KIRREL3: variants seen among roughly 807,000 people sequenced by gnomAD.
The protein encoded by KIRREL3 is kin of IRRE-like protein 3.
In KIRREL3, 36 loss-of-function variants were observed where a neutral mutation model predicts 89.7. The observed-to-expected ratio is 0.40, with a 90% CI of 0.31 to 0.53. KIRREL3 has a LOEUF of 0.53. KIRREL3 is among the 20% of genes least tolerant of loss of function. KIRREL3 has a pLI of 0.49. For missense variants in KIRREL3, 864 were observed against 1,056.6 expected (o/e 0.82, Z 2.53); for synonymous variants, 445 against 441.4 (o/e 1.01, Z -0.10).
chr11:126,609,193 G>C lies in KIRREL3; in HGVS notation c.56-46281C>G, dbSNP rs1282425536. Among the ~76,000 whole-genome samples, 1 of 152,126 alleles carries C rather than the reference G, an allele frequency of 6.6e-6. No homozygotes were observed. The highest frequency in any genetic ancestry group is 1.5e-5 in the Non-Finnish European group (1 of 68,024). Reference sequence around the variant, plus strand: ...CGCTCTGAGACCGGACCTCAGGAAAGGGGTGCGGGGAAGGTTGGGTTCAGA... The same window carrying C: ...CGCTCTGAGACCGGACCTCAGGAAACGGGTGCGGGGAAGGTTGGGTTCAGA... On this transcript the variant is annotated intron_variant, in intron 1 of 16. Transcript: ENST00000525144. This position sits in a 1 kb window ranked among gnomAD's most constrained non-coding sequence, Gnocchi z 5.0.
At position 126,833,531 on chromosome 11, in the gene KIRREL3, G is replaced by T. The variant is rs144169689; in HGVS notation, c.55+166924C>A. 4.8e-3 allele frequency among the ~76,000 whole-genome samples: 735 copies of T among 152,324 alleles called. 3 individuals are homozygous for T. Among genetic ancestry groups the T allele is most frequent in the Non-Finnish European group, 7.3e-3 (494 of 68,026 alleles). ...AACTGGCACCCTTTGAATATCAGCA[G>T]CCCTCCCTTTGGAGAGCCAGGGAAT... On this transcript the variant is annotated intron_variant, in intron 1 of 16. Transcript: ENST00000525144.
rs1348054072 is a variant in KIRREL3, at chr11:126,562,906, C to T, written c.62G>A (p.Gly21Asp). 3.1e-6 allele frequency: 5 copies of T among 1,613,210 alleles called. No homozygotes were observed. Among genetic ancestry groups the T allele is most frequent in the African/African-American group, 1.3e-5 (1 of 74,906 alleles). The change falls in exon 2 of 17, where the codon GGC becomes GAC. Residue 21 changes from glycine (G) to aspartate (D), a missense_variant. By Grantham distance (94) the Gly-to-Asp change is moderately conservative (BLOSUM62 -1). Transcript: ENST00000525144. The surrounding 1 kb of genome is among the most constrained non-coding windows in gnomAD (Gnocchi z 4.7). Reference protein sequence around the residue: ...VCFFLFSQELGLQKRGCCLVL... With the variant: ...VCFFLFSQELDLQKRGCCLVL... ...CAGACAGCATCCTCTCTTCTGGAGG[C>T]CCAGCTCTGGAAGAGAAGCATAGGT...
intron 1 of KIRREL3, among the ~76,000 whole-genome samples, chr11:126,831,409 CTCTGTCTCTCTCTATCTCTCTCTCTT>C: frequency 8.4e-6 from 1 of 118,552 alleles, no homozygotes; most frequent in Admixed American, 9.5e-5. Context: ...AAGTCAGTCT[CTCTGTCTCTCTCTATCTCTCTCTCTT>C]TCTCTCTCTC....
intron 10 of KIRREL3, among the ~76,000 whole-genome samples, chr11:126,444,158 C>T (rs1220150617): frequency 1.3e-5 from 2 of 152,232 alleles, no homozygotes; most frequent in East Asian, 1.9e-4. Context: ...CATCTACTAA[C>T]TCCCACCGTG....
At chr11:126,745,072 C>T (rs1004653356) in intron 1 of KIRREL3, among the ~76,000 whole-genome samples, 12 of 152,150 alleles carry the variant, frequency 7.9e-5, no homozygotes, top group Admixed American at 2.0e-4. Context: ...CCTCCTTCCA[C>T]GCCAGGTATC....
chr11:126,561,122 C>T lies in KIRREL3; in HGVS notation c.133+1713G>A, dbSNP rs1221656460. ...GTGGTACTTAGGGCAGCAAGGCTGG[C>T]TGGAGTGGAAGAAGAGGAGCTTCCT... On this transcript the variant is annotated intron_variant, in intron 2 of 16. Coordinates refer to ENST00000525144, the MANE Select transcript of KIRREL3 (RefSeq NM_032531.4). This position sits in a 1 kb window ranked among gnomAD's most constrained non-coding sequence, Gnocchi z 4.5. 6.6e-6 allele frequency among the ~76,000 whole-genome samples: 1 copy of T among 152,208 alleles called. No individual in the cohort carries two copies. The highest frequency in any genetic ancestry group is 1.5e-5 in the Non-Finnish European group (1 of 68,048).
At chr11:126,584,790 A>C (rs1304388199) in intron 1 of KIRREL3, among the ~76,000 whole-genome samples, 2 of 152,220 alleles carry the variant, frequency 1.3e-5, no homozygotes, top group African/African-American at 2.4e-5. Flanking sequence ...GGTCACTGTC[A>C]ACAGGCCACA....
In KIRREL3 at chr11:126,492,440, G is replaced by A. The variant is rs1205773786; in HGVS notation, c.434-18974C>T. 2.0e-5 allele frequency among the ~76,000 whole-genome samples: 3 copies of A among 152,114 alleles called. No individual in the cohort carries two copies. The highest frequency in any genetic ancestry group is 7.2e-5 in the African/African-American group (3 of 41,426). On this transcript the variant is annotated intron_variant, in intron 4 of 16. Transcript: ENST00000525144. The surrounding 1 kb of genome is among the most constrained non-coding windows in gnomAD (Gnocchi z 4.8). ...CAAGTACTTCCTCATTAGTTTTGCT[G>A]AAGTTACTTCCCTGCTCCCAGTTAG...
At chr11:126,445,183 A>G (rs1341097284) in intron 9 of KIRREL3, 78 bp from the exon 10 acceptor site, 9 of 1,558,628 alleles carry the variant, frequency 5.8e-6, no homozygotes, top group Non-Finnish European at 7.9e-6. Flanking sequence ...GGCAGCTGAG[A>G]GGCTGGCCTG....
rs1324422242 is a variant in KIRREL3, at chr11:126,769,178, C to G, written c.56-206266G>C. ...CCCATCTCTGCCAGTCACTGCTTTCCCTTCCTCCTACGCTTTCAACACATC... is the reference window on the plus strand; with the variant it reads ...CCCATCTCTGCCAGTCACTGCTTTCGCTTCCTCCTACGCTTTCAACACATC... On this transcript the variant is annotated intron_variant, in intron 1 of 16. Coordinates refer to ENST00000525144, the MANE Select transcript of KIRREL3 (RefSeq NM_032531.4). This position sits in a 1 kb window ranked among gnomAD's most constrained non-coding sequence, Gnocchi z 4.3. Among the ~76,000 whole-genome samples, 3 of 152,166 alleles carry G rather than the reference C, an allele frequency of 2.0e-5. No homozygotes were observed. Among genetic ancestry groups the G allele is most frequent in the Non-Finnish European group, 2.9e-5 (2 of 68,040 alleles).
intron 1 of KIRREL3, among the ~76,000 whole-genome samples, chr11:126,853,092 G>A (rs1272050103): frequency 1.3e-5 from 2 of 151,826 alleles, no homozygotes; most frequent in Non-Finnish European, 2.9e-5. Context: ...TTTTTAAAAT[G>A]GGAAAAATAC....
rs560860078 is a variant in KIRREL3, at chr11:126,550,930, C to T, written c.133+11905G>A. On this transcript the variant is annotated intron_variant, in intron 2 of 16. Coordinates refer to ENST00000525144, the MANE Select transcript of KIRREL3 (RefSeq NM_032531.4). This position sits in a 1 kb window ranked among gnomAD's most constrained non-coding sequence, Gnocchi z 4.9. ...GCTGGGGGCTCAGTCCCCAAGACTTCCCCCACACCCTGGCACCTGTCACAA... is the reference window on the plus strand; with the variant it reads ...GCTGGGGGCTCAGTCCCCAAGACTTTCCCCACACCCTGGCACCTGTCACAA... 1.5e-3 allele frequency among the ~76,000 whole-genome samples: 236 copies of T among 152,278 alleles called. 1 individual carries two copies. The highest frequency in any genetic ancestry group is 5.5e-3 in the African/African-American group (227 of 41,566).
chr11:126,544,826 C>T lies in KIRREL3; in HGVS notation c.133+18009G>A, dbSNP rs2134506523. On this transcript the variant is annotated intron_variant, in intron 2 of 16. Transcript: ENST00000525144. This position sits in a 1 kb window ranked among gnomAD's most constrained non-coding sequence, Gnocchi z 5.6. ...ATTCCTGGACACTTGGCCGACATTCCTGGCCTTAATCTGCTTGAGCAAAGT... is the reference window on the plus strand; with the variant it reads ...ATTCCTGGACACTTGGCCGACATTCTTGGCCTTAATCTGCTTGAGCAAAGT... 6.6e-6 allele frequency among the ~76,000 whole-genome samples: 1 copy of T among 152,276 alleles called. No homozygotes were observed. Among genetic ancestry groups the T allele is most frequent in the African/African-American group, 2.4e-5 (1 of 41,554 alleles).
intron 1 of KIRREL3, among the ~76,000 whole-genome samples, chr11:126,889,572 T>G (rs1385347526): frequency 6.6e-6 from 1 of 152,218 alleles, no homozygotes; most frequent in Non-Finnish European, 1.5e-5. Context: ...ACCACTCAAG[T>G]CTTGTTTCTC....
chr11:126,783,760 C>T lies in KIRREL3; in HGVS notation c.55+216695G>A, dbSNP rs551955124. Among the ~76,000 whole-genome samples, 5 of 152,334 alleles carry T rather than the reference C, an allele frequency of 3.3e-5. No homozygotes were observed. In the South Asian group the frequency reaches 8.3e-4, roughly 25 times the overall value. On this transcript the variant is annotated intron_variant, in intron 1 of 16. Transcript: ENST00000525144. This position sits in a 1 kb window ranked among gnomAD's most constrained non-coding sequence, Gnocchi z 4.3. ...CCCTCAAAGAAGTAGAGTATAGCTTCCCGCTCCTTAAGCGTGGGCTGCACA... is the reference window on the plus strand; with the variant it reads ...CCCTCAAAGAAGTAGAGTATAGCTTTCCGCTCCTTAAGCGTGGGCTGCACA...
chr11:126,489,177 C>A lies in KIRREL3; in HGVS notation c.434-15711G>T, dbSNP rs373241594. Among the ~76,000 whole-genome samples the A allele has an allele frequency of 2.1e-4, 32 of 152,162 alleles. No individual in the cohort carries two copies. Among genetic ancestry groups the A allele is most frequent in the Admixed American group, 2.1e-3 (32 of 15,278 alleles). On this transcript the variant is annotated intron_variant, in intron 4 of 16. Transcript: ENST00000525144. This position sits in a 1 kb window ranked among gnomAD's most constrained non-coding sequence, Gnocchi z 5.5. ...GCAGGACGGAAGCTGTAGATGGATG[C>A]GCTGCGTTTGCGGTGGAGAGCCGGC...
At chr11:126,810,637 C>A (rs1951351571) in intron 1 of KIRREL3, among the ~76,000 whole-genome samples, 1 of 152,124 alleles carries the variant, frequency 6.6e-6, no homozygotes, top group African/African-American at 2.4e-5. Context: ...ACCTGAGCAT[C>A]CCTAGCATTT....
intron 1 of KIRREL3, among the ~76,000 whole-genome samples, chr11:126,941,411 A>T (rs1273580457): frequency 1.3e-5 from 2 of 152,206 alleles, no homozygotes; most frequent in Non-Finnish European, 2.9e-5. Context: ...AAGCAATTAG[A>T]AGTATACAGA....
In KIRREL3 at chr11:126,912,619, G is replaced by A. The variant is rs757746747; in HGVS notation, c.55+87836C>T. ...TCCTGATGAACAGGAGAAGGGAGAAGAACTTCACCTTCCTTCAAGAGGCCA... is the reference window on the plus strand; with the variant it reads ...TCCTGATGAACAGGAGAAGGGAGAAAAACTTCACCTTCCTTCAAGAGGCCA... On this transcript the variant is annotated intron_variant, in intron 1 of 16. Coordinates refer to ENST00000525144, the MANE Select transcript of KIRREL3 (RefSeq NM_032531.4). This position sits in a 1 kb window ranked among gnomAD's most constrained non-coding sequence, Gnocchi z 4.7. Among the ~76,000 whole-genome samples the A allele has an allele frequency of 8.5e-5, 13 of 152,206 alleles. No homozygotes were observed. The highest frequency in any genetic ancestry group is 1.5e-4 in the Non-Finnish European group (10 of 68,036).
Sources: allele counts gnomAD v4.1 joint callset (sites outside exome capture counted in the v4.1 genomes callset), GRCh38; gene constraint gnomAD v4.1.1; non-coding constraint Gnocchi (gnomAD v3.1); transcripts MANE v1.5; gene names NCBI Gene and HGNC (gene_info 2026-07-23, HGNC 2026-07-21).